Variants in ZDHHC20 observed in about 807,000 individuals in gnomAD.
The protein encoded by ZDHHC20 is zDHHC palmitoyltransferase 20.
Under a neutral mutation model 57.8 loss-of-function variants are expected in ZDHHC20, and 43 were observed. The observed-to-expected ratio is 0.74, with a 90% CI of 0.58 to 0.96. The LOEUF (loss-of-function observed/expected upper bound fraction) is 0.96, where lower values mean the gene tolerates loss of function less well. Ranked by LOEUF, ZDHHC20 falls within the 40% of genes least tolerant of loss-of-function variation. ZDHHC20 has a pLI of 0.00. For missense variants in ZDHHC20, 391 were observed against 441.1 expected, an observed-to-expected ratio of 0.89 and a Z score of 1.02; for synonymous variants, 157 against 153.0, an observed-to-expected ratio of 1.03 and a Z score of -0.19.
At position 21,448,326 on chromosome 13, in the gene ZDHHC20, T is replaced by G. The variant is rs1162393173; in HGVS notation, c.118+10728A>C. 1.7e-3 allele frequency among the ~76,000 whole-genome samples: 115 copies of G among 68,840 alleles called. 3 individuals carry two copies. The highest frequency in any genetic ancestry group is 2.8e-3 in the Non-Finnish European group (88 of 31,122). 45.2% of individuals were successfully genotyped at this position (68,840 alleles called of 152,430 possible). A position where few individuals can be genotyped will look rare whatever the true frequency, so the allele number is the denominator to read the frequency against. On this transcript the variant is annotated intron_variant, in intron 1 of 12. Transcript: ENST00000400590. ...CCCGTCCGGGAGGGAGGTGGGGGGG[T>G]CAGCCCCCCGCCCGGCCAGCCGCCC... is the stretch of plus-strand genomic sequence containing the variant.
In ZDHHC20 at chr13:21,400,364, A is replaced by G; in HGVS notation, c.594+9T>C. On this transcript the variant is annotated intron_variant, in intron 7 of 12. Coordinates refer to ENST00000400590, the MANE Select transcript of ZDHHC20 (RefSeq NM_001330059.2). ...AAATACATGTTTCAAGATAGAAAAA[A>G]AGACTTACCGTCCAAAATTTTATAA... 2 of 1,575,450 alleles carry G rather than the reference A, an allele frequency of 1.3e-6. No homozygotes were observed. Among genetic ancestry groups the G allele is most frequent in the Non-Finnish European group, 1.7e-6 (2 of 1,169,566 alleles).
intron 3 of ZDHHC20, among the ~76,000 whole-genome samples, chr13:21,415,884 T>C (rs1267608479): frequency 6.6e-6 from 1 of 152,158 alleles, no homozygotes; most frequent in Admixed American, 6.6e-5. Context: ...CTACTGCTAC[T>C]CAACATCATT....
chr13:21,450,218 T>C (rs1884315222), intron 1 of ZDHHC20, among the ~76,000 whole-genome samples: 1 of 152,108 alleles, frequency 6.6e-6, no homozygotes, highest in South Asian at 2.1e-4. Flanking sequence ...CAAGCAGAGA[T>C]GTCAAGTAAA....
At chr13:21,418,709 T>C (rs1231680018) in intron 3 of ZDHHC20, among the ~76,000 whole-genome samples, 1 of 152,196 alleles carries the variant, frequency 6.6e-6, no homozygotes, top group African/African-American at 2.4e-5. Flanking sequence ...GGTCTCACTC[T>C]GCTGCCTGGG....
chr13:21,446,736 C>A (rs1191998488), intron 1 of ZDHHC20, among the ~76,000 whole-genome samples: 1 of 152,114 alleles, frequency 6.6e-6, no homozygotes, highest in Non-Finnish European at 1.5e-5. Context: ...AAATGTGTTG[C>A]TTATATGCTT....
chr13:21,408,146 A>G (rs1317960743), intron 4 of ZDHHC20, among the ~76,000 whole-genome samples: 1 of 152,118 alleles, frequency 6.6e-6, no homozygotes, highest in South Asian at 2.1e-4. Flanking sequence ...GTTTTTTCTA[A>G]TTCTGTGAAG....
intron 1 of ZDHHC20, among the ~76,000 whole-genome samples, chr13:21,454,069 T>C (rs2138072013): frequency 6.6e-6 from 1 of 152,232 alleles, no homozygotes; most frequent in Non-Finnish European, 1.5e-5. Context: ...CTCACACCCG[T>C]AATCCCAGCA....
chr13:21,406,643 T>A (rs1878487861), intron 4 of ZDHHC20, among the ~76,000 whole-genome samples: 1 of 152,210 alleles, frequency 6.6e-6, no homozygotes, highest in African/African-American at 2.4e-5. Context: ...TGTTTGGTTT[T>A]CTGCTCCTGT....
rs1344327052 is a variant in ZDHHC20 at position 21,391,800 on chromosome 13, A to T, written c.649T>A (p.Ser217Thr). 1 of 1,613,388 alleles carries T rather than the reference A, an allele frequency of 6.2e-7. No individual in the cohort carries two copies. The highest frequency in any genetic ancestry group is 2.2e-5 in the East Asian group (1 of 44,886). Residue 217 changes from serine to threonine, a missense_variant, in exon 8 of 13, where the codon TCT (serine) becomes ACT (threonine). This residue lies in a region of ZDHHC20 where 197 missense variants were observed against 220.8 expected (regional missense o/e 0.89). Transcript: ENST00000400590. ...KFHVLFLFFV[S>T]AMFFISVLSL... ...AGGACGCTGATGAAGAACATTGCAG[A>T]CACAAAGAAAAGAAAAAGTACGTGG...
intron 1 of ZDHHC20, among the ~76,000 whole-genome samples, chr13:21,436,947 G>A (rs1882612056): frequency 6.6e-6 from 1 of 152,166 alleles, no homozygotes; most frequent in Non-Finnish European, 1.5e-5. Flanking sequence ...GGCCCACGTT[G>A]TGTACGTGTA....
In ZDHHC20 at chr13:21,375,858, CTACT is replaced by C. The variant is rs1359972679; in HGVS notation, c.*834_*837del. ...TTCTTCTGGACACCTATACTTCTTC[CTACT>C]GTGTCCAGTATTCTCCAGCACATGT... is the stretch of plus-strand genomic sequence containing the variant. On this transcript the variant is annotated 3_prime_UTR_variant, in exon 13 of 13. Transcript: ENST00000400590. 2 of 152,180 alleles carry C rather than the reference CTACT, an allele frequency of 1.3e-5. No individual in the cohort carries two copies. The highest frequency in any genetic ancestry group is 4.8e-5 in the African/African-American group (2 of 41,426). 9.4% of individuals were successfully genotyped at this position (152,180 alleles called of 1,614,324 possible).
Position 21,459,249 on chromosome 13 carries a change from C to T in ZDHHC20, c.-78G>A, listed in dbSNP as rs1438210644. ...AGCCCCGGCGACGGTGACTCGGACGCTCCAGGCGGCTGCTGGTCCAGCTCC... is the reference window on the plus strand; with the variant it reads ...AGCCCCGGCGACGGTGACTCGGACGTTCCAGGCGGCTGCTGGTCCAGCTCC... On this transcript the variant is annotated 5_prime_UTR_variant, in exon 1 of 13. Coordinates refer to ENST00000400590, the MANE Select transcript of ZDHHC20 (RefSeq NM_001330059.2). The T allele has an allele frequency of 8.8e-7, 1 of 1,131,406 alleles. No homozygotes were observed. Among genetic ancestry groups the T allele is most frequent in the Admixed American group, 2.7e-5 (1 of 37,656 alleles). The allele number at this position is 1,131,406 out of a possible 1,614,324, so 70.1% of individuals were successfully genotyped here.
intron 1 of ZDHHC20, among the ~76,000 whole-genome samples, chr13:21,450,199 T>C (rs1884313496): frequency 1.3e-5 from 2 of 152,066 alleles, no homozygotes; most frequent in Admixed American, 6.5e-5. Flanking sequence ...ACAATGCCTA[T>C]TAGATCTCCA....
At chr13:21,393,995 C>A (rs1032339444) in intron 7 of ZDHHC20, among the ~76,000 whole-genome samples, 2 of 152,216 alleles carry the variant, frequency 1.3e-5, no homozygotes, top group Admixed American at 1.3e-4. Flanking sequence ...TTATTCCAGC[C>A]GGGATGCTGC....
At position 21,373,522 on chromosome 13, in the gene ZDHHC20, T is replaced by C. The variant is rs1871538158; in HGVS notation, c.*3174A>G. 6.6e-6 allele frequency: 1 copy of C among 152,238 alleles called. No homozygotes were observed. Among genetic ancestry groups the C allele is most frequent in the South Asian group, 2.1e-4 (1 of 4,836 alleles). The allele number at this position is 152,238 out of a possible 1,614,324, so 9.4% of individuals were successfully genotyped here. A position where few individuals can be genotyped will look rare whatever the true frequency, so the allele number is the denominator to read the frequency against. On this transcript the variant is annotated 3_prime_UTR_variant, in exon 13 of 13. Transcript: ENST00000400590. ...AAAATAAACTTTGTAAACTTGTTCATTTAAAATAACGAATGTACTGCAGCT... is the reference window on the plus strand; with the variant it reads ...AAAATAAACTTTGTAAACTTGTTCACTTAAAATAACGAATGTACTGCAGCT...
rs565616289 is a variant in ZDHHC20 at position 21,412,929 on chromosome 13, T to C, written c.370+723A>G. Among the ~76,000 whole-genome samples, 6 of 130,404 alleles carry C rather than the reference T, an allele frequency of 4.6e-5. No homozygotes were observed. In the Admixed American group the frequency reaches 4.6e-4, roughly 10 times the overall value. 85.6% of individuals were successfully genotyped at this position (130,404 alleles called of 152,430 possible). A position where few individuals can be genotyped will look rare whatever the true frequency, so the allele number is the denominator to read the frequency against. On this transcript the variant is annotated intron_variant, in intron 4 of 12. Transcript: ENST00000400590. ...GTTGCAGTGAGCTGAGACTGCACCA[T>C]TGCACTCAAGCCTGGGCCACAGAGC...
chr13:21,387,527 G>A lies in ZDHHC20; in HGVS notation c.835C>T (p.Leu279=). 6.5e-7 allele frequency: 1 copy of A among 1,533,578 alleles called. No individual in the cohort carries two copies. The highest frequency in any genetic ancestry group is 2.4e-5 in the East Asian group (1 of 40,932). The allele number at this position is 1,533,578 out of a possible 1,614,324, so 95.0% of individuals were successfully genotyped here. A position where few individuals can be genotyped will look rare whatever the true frequency, so the allele number is the denominator to read the frequency against. ...AATTACCTTGAAAATATTGGAAGTA[G>A]CCAATATTTCTTTTCATCACCAAAG... ...QVFGDEKKYW[L]LPIFSSLGDG... The change falls in exon 9 of 13, where the codon CTA becomes TTA. Residue 279 remains leucine (L), a synonymous_variant. Transcript: ENST00000400590.
At chr13:21,455,983 C>G (rs141741049) in intron 1 of ZDHHC20, among the ~76,000 whole-genome samples, 16 of 152,214 alleles carry the variant, frequency 1.1e-4, no homozygotes, top group Non-Finnish European at 2.1e-4. Context: ...TACTTACTGG[C>G]TCTATAACCG....
intron 3 of ZDHHC20, among the ~76,000 whole-genome samples, chr13:21,417,487 T>A (rs1436693969): frequency 1.3e-5 from 2 of 152,206 alleles, no homozygotes; most frequent in African/African-American, 2.4e-5. Context: ...TTGCCCAGGC[T>A]GGAATGCAAT....
Sources: allele counts gnomAD v4.1 joint callset (sites outside exome capture counted in the v4.1 genomes callset), GRCh38; gene constraint gnomAD v4.1.1; regional missense constraint gnomAD v4.1.1; transcripts MANE v1.5; gene names NCBI Gene and HGNC (gene_info 2026-07-23, HGNC 2026-07-21).